Variants in GRIK3 observed in about 807,000 individuals in gnomAD.
GRIK3 encodes the protein glutamate ionotropic receptor kainate type subunit 3, also known as glutamate receptor ionotropic, kainate 3.
In GRIK3, 29 loss-of-function variants were observed where a neutral mutation model predicts 102.5. The observed-to-expected ratio is 0.28, with a 90% CI of 0.21 to 0.39. The LOEUF is 0.39. Among genes scored for constraint, GRIK3 ranks in the 10% least tolerant of loss-of-function variants. GRIK3 has a pLI of 1.00. For synonymous variants in GRIK3, 511 were observed against 504.9 expected (o/e 1.01, Z -0.16); for missense variants, 908 against 1,252.4 (o/e 0.73, Z 4.15).
At chr1:36,853,985 C>G (rs950238357) in intron 7 of GRIK3, among the ~76,000 whole-genome samples, 2 of 152,154 alleles carry the variant, frequency 1.3e-5, no homozygotes, top group Non-Finnish European at 2.9e-5. Context: ...AATGAGCCCC[C>G]GCCCTGAAGT....
chr1:36,892,095 G>A (rs1002485602), intron 1 of GRIK3, among the ~76,000 whole-genome samples: 4 of 152,040 alleles, frequency 2.6e-5, no homozygotes, highest in African/African-American at 4.8e-5. Flanking sequence ...CTCTGCTCAC[G>A]GCAGCCTCCG....
At chr1:36,940,845 G>A (rs1641712161) in intron 1 of GRIK3, among the ~76,000 whole-genome samples, 1 of 152,198 alleles carries the variant, frequency 6.6e-6, no homozygotes, top group Non-Finnish European at 1.5e-5. Flanking sequence ...CCAGCACAAG[G>A]GAGCACCACT....
At chr1:37,020,839 C>CA (rs1642702897) in intron 1 of GRIK3, among the ~76,000 whole-genome samples, 2 of 152,178 alleles carry the variant, frequency 1.3e-5, no homozygotes, top group Non-Finnish European at 2.9e-5. Flanking sequence ...CAGATGGCGC[C>CA]ACCGGCTACC....
intron 1 of GRIK3, among the ~76,000 whole-genome samples, chr1:37,009,074 G>GTAATAATAA (rs67140478): frequency 9.7e-4 from 145 of 149,164 alleles, no homozygotes; most frequent in African/African-American, 2.0e-3. Flanking sequence ...AAATGGAGAT[G>GTAATAATAA]TAATAATAAT....
In GRIK3 at chr1:36,799,205, A is replaced by T. The variant is rs1642404033; in HGVS notation, c.*2646T>A. 1 of 152,234 alleles carries T rather than the reference A, an allele frequency of 6.6e-6. No individual in the cohort carries two copies. The highest frequency in any genetic ancestry group is 2.1e-4 in the South Asian group (1 of 4,830). The allele number at this position is 152,234 out of a possible 1,614,324, so 9.4% of individuals were successfully genotyped here. On this transcript the variant is annotated 3_prime_UTR_variant, in exon 16 of 16. Transcript: ENST00000373091. The stretch of plus-strand genomic sequence containing the variant: ...AAGGCATCAGCAGCATGAGCCCCTG[A>T]AGGGTTGTGCCCCCGTCTCCTGGCA...
At position 36,910,569 on chromosome 1, in the gene GRIK3, G is replaced by T. The variant is rs749568254; in HGVS notation, c.116-19473C>A. Among the ~76,000 whole-genome samples, 185 of 152,132 alleles carry T rather than the reference G, an allele frequency of 1.2e-3. 1 individual carries two copies. Among genetic ancestry groups the T allele is most frequent in the Non-Finnish European group, 2.1e-3 (143 of 68,012 alleles). On this transcript the variant is annotated intron_variant, in intron 1 of 15. Coordinates refer to ENST00000373091, the MANE Select transcript of GRIK3 (RefSeq NM_000831.4). Reference sequence around the variant, plus strand: ...TGTGCCCTCTCTCAGCAGCAGTGGTGGGGGGGCGGGGACAGGGACAAGTCA... The same window carrying T: ...TGTGCCCTCTCTCAGCAGCAGTGGTTGGGGGGCGGGGACAGGGACAAGTCA...
intron 1 of GRIK3, among the ~76,000 whole-genome samples, chr1:36,997,899 C>G (rs368018592): frequency 6.6e-6 from 1 of 152,268 alleles, no homozygotes; most frequent in East Asian, 1.9e-4. Context: ...CTAGGGAGAG[C>G]TAGAGGTGAC....
At chr1:36,932,451 G>A (rs1357171088) in intron 1 of GRIK3, among the ~76,000 whole-genome samples, 2 of 152,126 alleles carry the variant, frequency 1.3e-5, no homozygotes, top group African/African-American at 2.4e-5. Context: ...CACTTCCAAG[G>A]TCATCCTTCG....
At chr1:36,971,574 C>T (rs56300460) in intron 1 of GRIK3, among the ~76,000 whole-genome samples, 37,910 of 152,088 alleles carry the variant, frequency 0.25, 6,073 homozygotes, top group African/African-American at 0.45. Flanking sequence ...ATGAGAGATG[C>T]GCAAATTGCT....
chr1:36,869,869 AG>A, intron 4 of GRIK3, 68 bp from the exon 5 acceptor site: 1 of 1,170,006 alleles, frequency 8.5e-7, no homozygotes. Context: ...ATCCCCACCC[AG>A]GGCTGAGAAT....
At chr1:36,962,824 C>A (rs1327373968) in intron 1 of GRIK3, among the ~76,000 whole-genome samples, 2 of 141,648 alleles carry the variant, frequency 1.4e-5, no homozygotes, top group Admixed American at 7.5e-5. Context: ...GCGGAGGTTG[C>A]AGTGAGCCGA....
intron 13 of GRIK3, among the ~76,000 whole-genome samples, chr1:36,816,218 C>T (rs1642625774): frequency 6.6e-6 from 1 of 152,198 alleles, no homozygotes; most frequent in Non-Finnish European, 1.5e-5. Flanking sequence ...TCAGTTTCCA[C>T]ACGTGTAAAG....
Position 36,806,023 on chromosome 1 carries a change from G to A in GRIK3, c.2314+81C>T. The A allele has an allele frequency of 3.7e-6, 3 of 805,344 alleles. No individual in the cohort carries two copies. Among genetic ancestry groups the A allele is most frequent in the Non-Finnish European group, 6.2e-6 (3 of 480,868 alleles). The allele number at this position is 805,344 out of a possible 1,614,324, so 49.9% of individuals were successfully genotyped here. Reference sequence around the variant, plus strand: ...ATCAGCCCCATGGAATGAGCTGTGAGACGGAGTGTGAGGGGACGCGGGGGT... The same window carrying A: ...ATCAGCCCCATGGAATGAGCTGTGAAACGGAGTGTGAGGGGACGCGGGGGT... On this transcript the variant is annotated intron_variant, in intron 14 of 15. Coordinates refer to ENST00000373091, the MANE Select transcript of GRIK3 (RefSeq NM_000831.4). This position sits in a 1 kb window ranked among gnomAD's most constrained non-coding sequence, Gnocchi z 4.0.
intron 8 of GRIK3, among the ~76,000 whole-genome samples, chr1:36,851,159 T>A (rs1570759811): frequency 6.6e-6 from 1 of 152,088 alleles, no homozygotes. Flanking sequence ...TTAGGGGGGC[T>A]ACTCAGGACA....
In GRIK3 at chr1:36,817,080, C is replaced by T. The variant is rs761435600; in HGVS notation, c.2071G>A (p.Ala691Thr). ...CTCACCTTGAAGAAGGTCATGGTGG[C>T]CCCATCCTTGACAGCCCCATACTCG... ...KIEYGAVKDGATMTFFKKSKI... is the reference protein window; with the variant it reads ...KIEYGAVKDGTTMTFFKKSKI... The change falls in exon 13 of 16, where the codon GCC becomes ACC. Residue 691 changes from alanine to threonine, a missense_variant. Transcript: ENST00000373091. The T allele has an allele frequency of 6.2e-7, 1 of 1,613,362 alleles. No individual in the cohort carries two copies.
Position 36,841,885 on chromosome 1 carries a change from G to A in GRIK3, c.1381C>T (p.Arg461Trp), listed in dbSNP as rs373200808. The change falls in exon 10 of 16, where the codon CGG (arginine) becomes TGG (tryptophan). Residue 461 changes from arginine to tryptophan, a missense_variant. This residue lies in a region of GRIK3 where 585 missense variants were observed against 824.9 expected (regional missense o/e 0.71). Coordinates refer to ENST00000373091, the MANE Select transcript of GRIK3 (RefSeq NM_000831.4). ...KSDRTLYGNDRFEGYCIDLLK... is the reference protein window; with the variant it reads ...KSDRTLYGNDWFEGYCIDLLK... Reference sequence around the variant, plus strand: ...AGGTCGATGCAGTAGCCCTCGAACCGGTCATTCCCGTATAGCGTCCTGTCT... The same window carrying A: ...AGGTCGATGCAGTAGCCCTCGAACCAGTCATTCCCGTATAGCGTCCTGTCT... 1.2e-6 allele frequency: 2 copies of A among 1,614,178 alleles called. No homozygotes were observed. Among genetic ancestry groups the A allele is most frequent in the Non-Finnish European group, 1.7e-6 (2 of 1,180,018 alleles).
chr1:36,832,692 A>C (rs1640320428), intron 10 of GRIK3, among the ~76,000 whole-genome samples: 1 of 152,168 alleles, frequency 6.6e-6, no homozygotes, highest in Non-Finnish European at 1.5e-5. Flanking sequence ...GAGGCCCAGC[A>C]AGCTCCATCC....
chr1:36,874,492 G>A (rs936215312), intron 3 of GRIK3, among the ~76,000 whole-genome samples: 1 of 152,158 alleles, frequency 6.6e-6, no homozygotes, highest in Non-Finnish European at 1.5e-5. Context: ...CCTAATACCA[G>A]ACTTGATGGG....
At chr1:36,935,364 T>C (rs1641645552) in intron 1 of GRIK3, among the ~76,000 whole-genome samples, 1 of 152,200 alleles carries the variant, frequency 6.6e-6, no homozygotes, top group Non-Finnish European at 1.5e-5. Flanking sequence ...CACCATAGAC[T>C]GTGAACACAT....
Sources: gnomAD v4.1 joint callset for allele counts (sites outside exome capture counted in the v4.1 genomes callset) on GRCh38, gnomAD v4.1.1 for gene constraint, gnomAD v4.1.1 regional missense constraint, Gnocchi (gnomAD v3.1) non-coding constraint, MANE v1.5 for transcripts, NCBI Gene and HGNC (gene_info 2026-07-23, HGNC 2026-07-21) for gene names.